The following BRD10 variants were observed in gnomAD, a reference collection of about 807,000 sequenced individuals.
BRD10 encodes the protein bromodomain containing 10.
chr9:5,939,955 A>G, the BRD10 span, among the ~76,000 whole-genome samples: 1 of 152,214 alleles, frequency 6.6e-6, no homozygotes, highest in South Asian at 2.1e-4. Context: ...CTGTGACCAA[A>G]AAACTGGGGG....
At chr9:5,951,401 A>AGACT in the BRD10 span, among the ~76,000 whole-genome samples, 1 of 152,124 alleles carries the variant, frequency 6.6e-6, no homozygotes, top group Non-Finnish European at 1.5e-5. Context: ...AATTTAAAGA[A>AGACT]GACTGGTCCT....
chr9:5,961,514 T>C, the BRD10 span, among the ~76,000 whole-genome samples: 1 of 152,186 alleles, frequency 6.6e-6, no homozygotes, highest in African/African-American at 2.4e-5. Flanking sequence ...TATGCACAGC[T>C]AATCTTGCCT....
the BRD10 span, among the ~76,000 whole-genome samples, chr9:5,977,867 A>G: frequency 9.6e-6 from 1 of 103,914 alleles, no homozygotes; most frequent in South Asian, 4.0e-4. Context: ...AGTACATCAC[A>G]TTTTGCTGGT....
At chr9:5,900,556 G>C in the BRD10 span, among the ~76,000 whole-genome samples, 3 of 152,006 alleles carry the variant, frequency 2.0e-5, no homozygotes, top group Non-Finnish European at 4.4e-5. Flanking sequence ...TAAAGCAAAG[G>C]GATGTAAATG....
chr9:5,951,035 T>TACACACACACACAC, the BRD10 span, among the ~76,000 whole-genome samples: 4 of 141,664 alleles, frequency 2.8e-5, no homozygotes, highest in Admixed American at 1.4e-4. Context: ...GGGCTGACTG[T>TACACACACACACAC]ACACACACAC....
chr9:5,923,242 A>G, the BRD10 span: 23 of 1,613,710 alleles, frequency 1.4e-5, no homozygotes, highest in Middle Eastern at 3.3e-4. Flanking sequence ...AGTCTTTTGA[A>G]GGCAATTCCT....
chr9:5,920,728 A>T, the BRD10 span: 144 of 1,613,908 alleles, frequency 8.9e-5, no homozygotes, highest in African/African-American at 1.7e-3. Flanking sequence ...TTATTATTTT[A>T]GGGGATGTAG....
the BRD10 span, among the ~76,000 whole-genome samples, chr9:5,983,540 TA>T: frequency 1.3e-5 from 2 of 151,936 alleles, no homozygotes; most frequent in African/African-American, 4.8e-5. Flanking sequence ...AACATGAAGA[TA>T]ATGAGAGAAA....
the BRD10 span, chr9:6,007,478 G>A: frequency 2.5e-6 from 4 of 1,611,666 alleles, 1 homozygote; most frequent in South Asian, 3.3e-5. Flanking sequence ...CCCCCCAAGG[G>A]CTGCAGAAAG....
the BRD10 span, among the ~76,000 whole-genome samples, chr9:5,940,802 T>C: frequency 6.6e-6 from 1 of 152,216 alleles, no homozygotes; most frequent in Non-Finnish European, 1.5e-5. Context: ...ATATTGATTA[T>C]AAAATTTAGA....
chr9:5,960,287 C>T, the BRD10 span, among the ~76,000 whole-genome samples: 6 of 152,050 alleles, frequency 3.9e-5, no homozygotes, highest in Non-Finnish European at 7.4e-5. Flanking sequence ...ACTGGCCGGG[C>T]GTGCTGCCTC....
the BRD10 span, among the ~76,000 whole-genome samples, chr9:5,923,929 C>T: frequency 6.6e-6 from 1 of 152,112 alleles, no homozygotes; most frequent in Non-Finnish European, 1.5e-5. Context: ...CAAAGAAAGT[C>T]ATTAAACTAG....
At chr9:5,919,579 C>CACACACAA in the BRD10 span, 1 of 997,154 alleles carries the variant, frequency 1.0e-6, no homozygotes, top group Admixed American at 2.8e-5. Flanking sequence ...CACACACACA[C>CACACACAA]ACACAATGTA....
chr9:5,997,304 C>T, the BRD10 span, among the ~76,000 whole-genome samples: 3 of 152,208 alleles, frequency 2.0e-5, no homozygotes, highest in African/African-American at 4.8e-5. Flanking sequence ...TTATTCCCCA[C>T]AAACTAGTGA....
the BRD10 span, among the ~76,000 whole-genome samples, chr9:5,990,520 T>G: frequency 2.0e-5 from 3 of 152,192 alleles, no homozygotes; most frequent in African/African-American, 7.2e-5. Context: ...CTCTTTAATT[T>G]CAGTTTTATA....
the BRD10 span, chr9:6,008,240 G>C: frequency 2.0e-6 from 2 of 981,874 alleles, no homozygotes; most frequent in South Asian, 4.7e-5. Context: ...CGGCGGCTCC[G>C]GCTCCTCCTC....
At chr9:5,971,481 G>T in the BRD10 span, among the ~76,000 whole-genome samples, 1 of 152,222 alleles carries the variant, frequency 6.6e-6, no homozygotes, top group African/African-American at 2.4e-5. Context: ...TCTGACACTG[G>T]CTATTTTTCT....
At chr9:5,880,479 A>T in the BRD10 span, among the ~76,000 whole-genome samples, 3 of 85,992 alleles carry the variant, frequency 3.5e-5, no homozygotes, top group Non-Finnish European at 1.0e-4. Flanking sequence ...CCGCCACTGC[A>T]CTCCAGCCTC....
the BRD10 span, among the ~76,000 whole-genome samples, chr9:5,886,913 C>T: frequency 6.6e-6 from 1 of 152,124 alleles, no homozygotes; most frequent in Admixed American, 6.5e-5. Context: ...CACTCAAAGA[C>T]CCAAAGGGAT....
Sources: gnomAD v4.1 joint callset for allele counts (sites outside exome capture counted in the v4.1 genomes callset) on GRCh38, gnomAD v4.1.1 for gene constraint, MANE v1.5 for transcripts, NCBI Gene and HGNC (gene_info 2026-07-23, HGNC 2026-07-21) for gene names.